SYT16: variants seen among roughly 807,000 people sequenced by gnomAD.
SYT16 encodes synaptotagmin-16.
SYT16 carries 42 observed loss-of-function variants against 61.4 expected under a neutral mutation model. The observed-to-expected ratio is 0.68, with a 90% confidence interval of 0.53 to 0.89. The LOEUF (loss-of-function observed/expected upper bound fraction) is 0.89. SYT16 is among the 40% of genes least tolerant of loss of function. The probability of loss-of-function intolerance (pLI) is 0.00; values close to 1 mark genes in which losing one functional copy is unlikely to be tolerated. For synonymous variants in SYT16, 314 were observed against 302.3 expected, an observed-to-expected ratio of 1.04 and a Z score of -0.40; for missense variants, 804 against 807.3, an observed-to-expected ratio of 1.00 and a Z score of 0.05.
At chr14:61,837,905 T>A (rs2046183531) in intron 1 of SYT16, among the ~76,000 whole-genome samples, 1 of 152,230 alleles carries the variant, frequency 6.6e-6, no homozygotes, top group African/African-American at 2.4e-5. Context: ...TTTAGCTTTT[T>A]GAACTAATAG....
intron 5 of SYT16, among the ~76,000 whole-genome samples, chr14:62,076,777 A>T (rs993964977): frequency 1.3e-5 from 2 of 152,186 alleles, no homozygotes; most frequent in African/African-American, 4.8e-5. Flanking sequence ...CCAAAAACAA[A>T]ACAGACCAAA....
intron 3 of SYT16, among the ~76,000 whole-genome samples, chr14:62,043,564 T>C (rs1330762604): frequency 2.0e-5 from 3 of 151,910 alleles, no homozygotes; most frequent in South Asian, 2.1e-4. Context: ...CCCACCACCA[T>C]GCCCAGCTAA....
intron 3 of SYT16, among the ~76,000 whole-genome samples, chr14:62,069,199 T>G (rs560759721): frequency 6.6e-6 from 1 of 152,318 alleles, no homozygotes; most frequent in Admixed American, 6.5e-5. Context: ...TAAATGAGAT[T>G]AGATGAAGAG....
intron 1 of SYT16, among the ~76,000 whole-genome samples, chr14:61,913,704 T>TTGTGTGTG (rs56758661): frequency 0.18 from 26,414 of 145,622 alleles, 2,631 homozygotes; most frequent in East Asian, 0.29. Context: ...CTTTGGGTCT[T>TTGTGTGTG]TGTGTGTGTG....
rs546551314 is a variant in SYT16 at position 61,990,881 on chromosome 14, G to T, written c.-144-4995G>T. On this transcript the variant is annotated intron_variant, in intron 2 of 7. Coordinates refer to ENST00000683842, the MANE Select transcript of SYT16 (RefSeq NM_001367656.1). ...AATATTTGATAAAACATATGGCTCAGGAATTTGACAGTTTTTCTTTCTACA... is the reference window on the plus strand; with the variant it reads ...AATATTTGATAAAACATATGGCTCATGAATTTGACAGTTTTTCTTTCTACA... Among the ~76,000 whole-genome samples the T allele has an allele frequency of 2.0e-5, 3 of 152,162 alleles. No homozygotes were observed. The South Asian group carries it at 6.2e-4, about 32-fold the overall frequency.
Position 61,889,595 on chromosome 14 carries a change from T to TCTCTCTCTCTGTCTCCCTCC in SYT16, c.-325+76796_-325+76815dup, listed in dbSNP as rs1487731736. ...CCTCTGCTCGCTCTTGCTCCCTCTC[T>TCTCTCTCTCTGTCTCCCTCC]CTCTCTCTCTGTCTCCCTCCCTCTC... On this transcript the variant is annotated intron_variant, in intron 1 of 7. Coordinates refer to ENST00000683842, the MANE Select transcript of SYT16 (RefSeq NM_001367656.1). Among the ~76,000 whole-genome samples, 195 of 152,004 alleles carry TCTCTCTCTCTGTCTCCCTCC rather than the reference T, an allele frequency of 1.3e-3. 1 individual carries two copies. The highest frequency in any genetic ancestry group is 2.1e-3 in the Non-Finnish European group (140 of 67,964).
At chr14:62,060,095 C>G (rs139400273) in intron 3 of SYT16, among the ~76,000 whole-genome samples, 17 of 152,150 alleles carry the variant, frequency 1.1e-4, no homozygotes, top group East Asian at 3.9e-4. Flanking sequence ...TTTGACTACT[C>G]TAGGTCCTTT....
intron 3 of SYT16, among the ~76,000 whole-genome samples, chr14:62,030,720 A>G (rs1015127182): frequency 1.3e-5 from 2 of 152,192 alleles, no homozygotes; most frequent in Non-Finnish European, 2.9e-5. Context: ...CTTTCTCTCA[A>G]TTAGCCAAGA....
At chr14:61,908,143 C>A (rs2048796415) in intron 1 of SYT16, among the ~76,000 whole-genome samples, 1 of 152,216 alleles carries the variant, frequency 6.6e-6, no homozygotes, top group Non-Finnish European at 1.5e-5. Flanking sequence ...TGTCTTTCCC[C>A]TTTTCTCAGT....
chr14:61,902,701 A>G (rs1394222806), intron 1 of SYT16, among the ~76,000 whole-genome samples: 1 of 152,174 alleles, frequency 6.6e-6, no homozygotes, highest in Admixed American at 6.5e-5. Flanking sequence ...AGATTGGGTA[A>G]TTTATAAAGA....
chr14:61,906,945 T>C (rs1214690329), intron 1 of SYT16, among the ~76,000 whole-genome samples: 1 of 152,236 alleles, frequency 6.6e-6, no homozygotes, highest in South Asian at 2.1e-4. Flanking sequence ...TTCTAAAAAT[T>C]AGAAATCATC....
intron 2 of SYT16, among the ~76,000 whole-genome samples, chr14:61,979,698 A>G (rs1478285359): frequency 1.3e-5 from 2 of 152,186 alleles, no homozygotes; most frequent in East Asian, 3.9e-4. Flanking sequence ...CCTGGCCAAC[A>G]TGGTGAAACC....
At chr14:62,033,986 T>C (rs1200187153) in intron 3 of SYT16, among the ~76,000 whole-genome samples, 1 of 152,116 alleles carries the variant, frequency 6.6e-6, no homozygotes, top group Non-Finnish European at 1.5e-5. Context: ...ATCAAGAATG[T>C]GTAAAGAGTT....
intron 7 of SYT16, among the ~76,000 whole-genome samples, chr14:62,091,812 A>G (rs1050337424): frequency 6.6e-6 from 1 of 152,230 alleles, no homozygotes; most frequent in African/African-American, 2.4e-5. Flanking sequence ...TTTCTTGGAT[A>G]TGACAACAAA....
intron 1 of SYT16, among the ~76,000 whole-genome samples, chr14:61,827,371 GACTT>G (rs1166240000): frequency 6.6e-6 from 1 of 152,194 alleles, no homozygotes; most frequent in Non-Finnish European, 1.5e-5. Flanking sequence ...AAGATGGTGA[GACTT>G]AGTTTCTGGC....
chr14:62,010,508 T>C (rs1189900547), intron 3 of SYT16, among the ~76,000 whole-genome samples: 1 of 152,076 alleles, frequency 6.6e-6, no homozygotes, highest in East Asian at 1.9e-4. Context: ...GAGGAGTGTT[T>C]TGGTATTCGA....
At chr14:61,864,750 T>A in intron 1 of SYT16, 1 of 977,998 alleles carries the variant, frequency 1.0e-6, no homozygotes, top group South Asian at 1.5e-5. Flanking sequence ...GCTACCTGGT[T>A]AATGACGCAT....
chr14:62,075,291 G>T lies in SYT16; in HGVS notation c.893G>T (p.Arg298Leu). ...QESSVVQSLR[R>L]QSTEGSLEME... ...TCCAGTGTGGTCCAAAGCCTCAGGCGCCAATCCACAGAGGGCAGCTTGGAG... is the reference window on the plus strand; with the variant it reads ...TCCAGTGTGGTCCAAAGCCTCAGGCTCCAATCCACAGAGGGCAGCTTGGAG... Residue 298 changes from arginine (R) to leucine (L), a missense_variant, in exon 5 of 8, where the codon CGC becomes CTC. Arg to Leu is a moderately radical substitution (Grantham distance 102). Transcript: ENST00000683842. The T allele has an allele frequency of 6.2e-7, 1 of 1,613,866 alleles. No homozygotes were observed. The highest frequency in any genetic ancestry group is 8.5e-7 in the Non-Finnish European group (1 of 1,179,844).
chr14:62,090,099 C>G (rs982425895), intron 7 of SYT16, among the ~76,000 whole-genome samples: 7 of 152,152 alleles, frequency 4.6e-5, no homozygotes, highest in Non-Finnish European at 7.4e-5. Context: ...TGCTATGTTT[C>G]AAAAAAGTTA....
Sources: allele counts gnomAD v4.1 joint callset (sites outside exome capture counted in the v4.1 genomes callset), GRCh38; gene constraint gnomAD v4.1.1; transcripts MANE v1.5; gene names NCBI Gene and HGNC (gene_info 2026-07-23, HGNC 2026-07-21).